GALNT1: variants seen among roughly 807,000 people sequenced by gnomAD.
GALNT1 encodes polypeptide N-acetylgalactosaminyltransferase 1.
GALNT1 carries 17 observed loss-of-function variants against 65.7 expected under a neutral mutation model. The observed-to-expected ratio is 0.26, with a 90% CI of 0.18 to 0.39. The LOEUF (loss-of-function observed/expected upper bound fraction) is 0.39, where lower values mean the gene tolerates loss of function less well. Among genes scored for constraint, GALNT1 ranks in the 10% least tolerant of loss-of-function variants. The pLI is 1.00. For synonymous variants in GALNT1, 210 were observed against 219.7 expected (o/e 0.96, Z 0.39); for missense variants, 460 against 672.8 (o/e 0.68, Z 3.50).
At chr18:35,678,453 A>G (rs1272684273) in intron 4 of GALNT1, among the ~76,000 whole-genome samples, 1 of 152,158 alleles carries the variant, frequency 6.6e-6, no homozygotes, top group Non-Finnish European at 1.5e-5. Context: ...TGGCTTGGTC[A>G]ATATTATTTA....
chr18:35,659,449 T>C (rs1383331620), intron 2 of GALNT1, among the ~76,000 whole-genome samples: 2 of 152,126 alleles, frequency 1.3e-5, no homozygotes, highest in East Asian at 1.9e-4. Context: ...TATCTGAAAA[T>C]AGCAGAGTTC....
intron 1 of GALNT1, among the ~76,000 whole-genome samples, chr18:35,628,223 T>A (rs970606479): frequency 4.6e-5 from 7 of 152,132 alleles, no homozygotes; most frequent in African/African-American, 1.7e-4. Flanking sequence ...AGAGTAGTGT[T>A]TCTCCCAGCA....
intron 10 of GALNT1, 26 bp downstream of exon 10, chr18:35,703,021 A>C (rs9989616): frequency 0.095 from 130,137 of 1,365,558 alleles, 6,816 homozygotes; most frequent in Admixed American, 0.2. Flanking sequence ...AACTCTTAAA[A>C]GGGATAATTT....
intron 5 of GALNT1, 50 bp downstream of exon 5, chr18:35,683,648 T>C: frequency 9.3e-6 from 13 of 1,404,802 alleles, no homozygotes; most frequent in Non-Finnish European, 1.3e-5. Context: ...TGTCCTAAAC[T>C]ATATGGTGAG....
chr18:35,660,579 A>T (rs1833453412), intron 2 of GALNT1, among the ~76,000 whole-genome samples: 1 of 152,100 alleles, frequency 6.6e-6, no homozygotes, highest in Admixed American at 6.5e-5. Flanking sequence ...TGACATCCAA[A>T]CTCATTTCAG....
chr18:35,615,403 C>T (rs1241572687), intron 1 of GALNT1, among the ~76,000 whole-genome samples: 1 of 151,988 alleles, frequency 6.6e-6, no homozygotes, highest in Non-Finnish European at 1.5e-5. Context: ...TTTTTACTAA[C>T]ACTGTATTAA....
At position 35,654,737 on chromosome 18, in the gene GALNT1, G is replaced by T. The variant is rs2047357515; in HGVS notation, c.75G>T (p.Leu25=). 2.5e-6 allele frequency: 4 copies of T among 1,581,638 alleles called. No homozygotes were observed. The highest frequency in any genetic ancestry group is 3.4e-6 in the Non-Finnish European group (4 of 1,162,036). Residue 25 remains leucine, a synonymous_variant, in exon 2 of 12, where the codon CTG becomes CTT. Transcript: ENST00000269195. ...GGGTACTCTTGGATATGTTCCTGCT[G>T]CTTTACTTCAGTGAATGCAACAAAT... The part of the protein sequence containing the change: ...LIWVLLDMFL[L]LYFSECNKCD...
intron 2 of GALNT1, 74 bp from the exon 3 acceptor site, chr18:35,663,554 A>G: frequency 6.9e-7 from 1 of 1,457,364 alleles, no homozygotes; most frequent in Non-Finnish European, 9.3e-7. Context: ...TCAAACACAA[A>G]TGTTATTAAA....
At chr18:35,683,755 G>C (rs1484183536) in intron 5 of GALNT1, among the ~76,000 whole-genome samples, 157 bp downstream of exon 5, 2 of 152,224 alleles carry the variant, frequency 1.3e-5, no homozygotes, top group Admixed American at 6.5e-5. Flanking sequence ...GAAATATCCA[G>C]AAGACCACAT....
intron 1 of GALNT1, among the ~76,000 whole-genome samples, chr18:35,645,838 T>C (rs1048810485): frequency 7.2e-5 from 11 of 152,234 alleles, no homozygotes; most frequent in Non-Finnish European, 1.6e-4. Context: ...ATGTTTATTG[T>C]AGATTAAAGA....
chr18:35,655,491 A>T (rs896888250), intron 2 of GALNT1, among the ~76,000 whole-genome samples: 31 of 151,620 alleles, frequency 2.0e-4, no homozygotes, highest in Non-Finnish European at 4.0e-4. Flanking sequence ...GCCATTTTTT[A>T]AAAAATTCTT....
At chr18:35,634,350 A>T (rs1222891201) in intron 1 of GALNT1, among the ~76,000 whole-genome samples, 2 of 152,168 alleles carry the variant, frequency 1.3e-5, no homozygotes, top group Admixed American at 6.5e-5. Flanking sequence ...ATAGACACTG[A>T]TTTCTGTCTT....
chr18:35,639,879 C>A, intron 1 of GALNT1, among the ~76,000 whole-genome samples: 1 of 152,162 alleles, frequency 6.6e-6, no homozygotes, highest in East Asian at 1.9e-4. Context: ...TCACTGCAAC[C>A]TCCACCTCCC....
At chr18:35,637,613 T>C (rs1246001296) in intron 1 of GALNT1, among the ~76,000 whole-genome samples, 1 of 152,184 alleles carries the variant, frequency 6.6e-6, no homozygotes, top group African/African-American at 2.4e-5. Flanking sequence ...ATCTCCACAA[T>C]GTAAAAACAA....
intron 1 of GALNT1, among the ~76,000 whole-genome samples, chr18:35,648,449 T>C (rs1306360212): frequency 6.6e-6 from 1 of 152,244 alleles, no homozygotes; most frequent in Non-Finnish European, 1.5e-5. Context: ...GTTTTCAACT[T>C]ATGATGGGTT....
At chr18:35,696,337 A>T (rs1003346922) in intron 9 of GALNT1, among the ~76,000 whole-genome samples, 2 of 152,230 alleles carry the variant, frequency 1.3e-5, no homozygotes, top group African/African-American at 4.8e-5. Context: ...GGTCCAGGGA[A>T]ACCTGAAATC....
chr18:35,644,899 G>A (rs922743285), intron 1 of GALNT1, among the ~76,000 whole-genome samples: 1 of 152,104 alleles, frequency 6.6e-6, no homozygotes, highest in African/African-American at 2.4e-5. Context: ...GCTAAGGCAG[G>A]ATAATTGCTT....
At chr18:35,675,801 G>C (rs907418104) in intron 3 of GALNT1, among the ~76,000 whole-genome samples, 1 of 152,132 alleles carries the variant, frequency 6.6e-6, no homozygotes, top group African/African-American at 2.4e-5. Context: ...GAGATTGTAT[G>C]TGTGGCATAA....
chr18:35,629,247 C>G (rs937777196), intron 1 of GALNT1, among the ~76,000 whole-genome samples: 6 of 152,126 alleles, frequency 3.9e-5, no homozygotes, highest in African/African-American at 1.4e-4. Flanking sequence ...AGAAGAGCAA[C>G]TCCAAGACAC....
Sources: allele counts gnomAD v4.1 joint callset (sites outside exome capture counted in the v4.1 genomes callset), GRCh38; gene constraint gnomAD v4.1.1; transcripts MANE v1.5; gene names NCBI Gene and HGNC (gene_info 2026-07-23, HGNC 2026-07-21).